The following RSRC1 variants were observed in gnomAD, a reference collection of about 807,000 sequenced individuals.
RSRC1 encodes serine/Arginine-related protein 53.
A neutral mutation model predicts 49.1 loss-of-function variants in RSRC1; 39 were observed. The ratio of observed to expected loss-of-function variants is 0.79; its 90% CI spans 0.61 to 1.04. The LOEUF is 1.04. Ranked by LOEUF, RSRC1 falls within the 50% of genes least tolerant of loss-of-function variation. The probability of loss-of-function intolerance (pLI) is 0.00; values close to 1 mark genes in which losing one functional copy is unlikely to be tolerated. For synonymous variants in RSRC1, 143 were observed against 130.8 expected (o/e 1.09, Z -0.63); for missense variants, 388 against 402.4 (o/e 0.96, Z 0.31).
intron 5 of RSRC1, among the ~76,000 whole-genome samples, chr3:158,346,543 C>T (rs899078335): frequency 7.9e-5 from 12 of 152,082 alleles, no homozygotes; most frequent in African/African-American, 2.9e-4. Context: ...TGCTCAACAC[C>T]GTTATTCATT....
intron 3 of RSRC1, among the ~76,000 whole-genome samples, chr3:158,176,463 A>G (rs568894537): frequency 3.3e-5 from 5 of 152,328 alleles, no homozygotes; most frequent in African/African-American, 1.2e-4. Flanking sequence ...ATATAGATCA[A>G]TGGAACAGAA....
chr3:158,415,401 G>A (rs1734689490), intron 6 of RSRC1, among the ~76,000 whole-genome samples: 1 of 151,856 alleles, frequency 6.6e-6, no homozygotes, highest in South Asian at 2.1e-4. Context: ...GTTACTGTTT[G>A]CCTTTTACAG....
chr3:158,416,663 C>T (rs931189546), intron 6 of RSRC1, among the ~76,000 whole-genome samples: 1 of 152,070 alleles, frequency 6.6e-6, no homozygotes, highest in Non-Finnish European at 1.5e-5. Flanking sequence ...CAGAGGCAAG[C>T]TTCCCTGGCC....
intron 7 of RSRC1, among the ~76,000 whole-genome samples, chr3:158,528,543 G>T (rs1042953174): frequency 5.3e-5 from 8 of 151,908 alleles, no homozygotes; most frequent in African/African-American, 1.9e-4. Flanking sequence ...CAGGCGAGTT[G>T]TGTGTGGTTA....
intron 3 of RSRC1, among the ~76,000 whole-genome samples, chr3:158,186,405 A>G (rs1222708148): frequency 6.6e-6 from 1 of 151,966 alleles, no homozygotes. Context: ...AAATTAGCAA[A>G]TTAACACTTA....
chr3:158,391,517 A>T (rs1432000494), intron 6 of RSRC1, among the ~76,000 whole-genome samples: 1 of 152,212 alleles, frequency 6.6e-6, no homozygotes, highest in East Asian at 1.9e-4. Flanking sequence ...AAAAACATTA[A>T]AAGGTAGAAT....
intron 8 of RSRC1, among the ~76,000 whole-genome samples, chr3:158,542,445 G>A (rs565364947): frequency 1.3e-5 from 2 of 152,314 alleles, no homozygotes; most frequent in Admixed American, 1.3e-4. Context: ...TGAAGCAGGA[G>A]AATCACTTGA....
intron 6 of RSRC1, among the ~76,000 whole-genome samples, chr3:158,407,836 A>G (rs1466489565): frequency 6.6e-6 from 1 of 152,182 alleles, no homozygotes; most frequent in African/African-American, 2.4e-5. Context: ...TCCTAAAGTA[A>G]TTCTTTTCTA....
chr3:158,530,045 C>T (rs1324442215), intron 7 of RSRC1, among the ~76,000 whole-genome samples: 1 of 151,898 alleles, frequency 6.6e-6, no homozygotes, highest in African/African-American at 2.4e-5. Flanking sequence ...CTCCTCCTAT[C>T]ATTTCCACAT....
At chr3:158,439,945 G>A (rs1736289819) in intron 6 of RSRC1, among the ~76,000 whole-genome samples, 1 of 152,062 alleles carries the variant, frequency 6.6e-6, no homozygotes, top group African/African-American at 2.4e-5. Context: ...TCAAGAGTAA[G>A]TAATGCCTTC....
At chr3:158,451,291 C>T (rs1350618853) in intron 6 of RSRC1, among the ~76,000 whole-genome samples, 2 of 151,888 alleles carry the variant, frequency 1.3e-5, no homozygotes, top group African/African-American at 2.4e-5. Context: ...TACCAGATGG[C>T]CTGATAGATT....
chr3:158,354,985 AG>A, intron 6 of RSRC1, 77 bp downstream of exon 6: 2 of 913,366 alleles, frequency 2.2e-6, no homozygotes, highest in Non-Finnish European at 3.1e-6. Flanking sequence ...CTTAGAAATG[AG>A]TAAAAAAAAA....
intron 5 of RSRC1, among the ~76,000 whole-genome samples, chr3:158,313,346 T>C (rs1326971120): frequency 1.3e-5 from 2 of 152,254 alleles, no homozygotes; most frequent in Non-Finnish European, 2.9e-5. Context: ...AGTAAATTGG[T>C]TGCCTTAAAT....
At chr3:158,225,678 G>A (rs775958268) in intron 4 of RSRC1, 6 of 453,402 alleles carry the variant, frequency 1.3e-5, no homozygotes, top group Non-Finnish European at 2.7e-5. Flanking sequence ...AGAATTGTGA[G>A]AGGAAAAAGA....
intron 7 of RSRC1, among the ~76,000 whole-genome samples, chr3:158,518,142 ATATATATT>A (rs1274382348): frequency 1.3e-5 from 1 of 74,618 alleles, no homozygotes; most frequent in African/African-American, 9.6e-5. Context: ...ATATATATAT[ATATATATT>A]TTTTTTTTTT....
chr3:158,490,498 T>C (rs1176586993), intron 7 of RSRC1, among the ~76,000 whole-genome samples: 1 of 152,202 alleles, frequency 6.6e-6, no homozygotes, highest in Non-Finnish European at 1.5e-5. Flanking sequence ...AAAATAAAAG[T>C]AGTATGTAGT....
intron 4 of RSRC1, among the ~76,000 whole-genome samples, chr3:158,247,685 A>G (rs1390838147): frequency 2.0e-5 from 3 of 152,144 alleles, no homozygotes; most frequent in Non-Finnish European, 4.4e-5. Context: ...TTCAGAACCT[A>G]GTTGGCTTTG....
intron 6 of RSRC1, among the ~76,000 whole-genome samples, chr3:158,357,368 T>G (rs957459851): frequency 1.3e-5 from 2 of 152,210 alleles, no homozygotes; most frequent in Non-Finnish European, 2.9e-5. Flanking sequence ...TTTGCTGTAT[T>G]GTTTTATAAA....
chr3:158,503,675 G>A (rs62287870), intron 7 of RSRC1, among the ~76,000 whole-genome samples: 16,049 of 152,012 alleles, frequency 0.11, 1,010 homozygotes, highest in African/African-American at 0.18. Context: ...AGGGGAGGGC[G>A]GCAGTCACAG....
Sources: allele counts gnomAD v4.1 joint callset (sites outside exome capture counted in the v4.1 genomes callset), GRCh38; gene constraint gnomAD v4.1.1; transcripts MANE v1.5; gene names NCBI Gene and HGNC (gene_info 2026-07-23, HGNC 2026-07-21).